COL4A5: variants seen among roughly 807,000 people sequenced by gnomAD.
The protein encoded by COL4A5 is collagen type IV alpha 5 chain.
COL4A5 carries 26 observed loss-of-function variants against 130.2 expected under a neutral mutation model. The ratio of observed to expected loss-of-function variants is 0.20; its 90% CI spans 0.15 to 0.28. The LOEUF is 0.28. Among genes scored for constraint, COL4A5 ranks in the 10% least tolerant of loss-of-function variants. The pLI is 1.00. For missense variants in COL4A5, 1,131 were observed against 1,344.3 expected (o/e 0.84, Z 2.48); for synonymous variants, 496 against 439.6 (o/e 1.13, Z -1.60).
At chrX:108,548,477 G>T (rs750420808) in intron 2 of COL4A5, among the ~76,000 whole-genome samples, 9 of 111,092 alleles carry the variant, frequency 8.1e-5, no homozygotes, top group African/African-American at 2.9e-4. Flanking sequence ...CTGTGACAGT[G>T]TCAAATGGTC....
At chrX:108,473,605 ATATATATG>A (rs1480309978) in intron 1 of COL4A5, among the ~76,000 whole-genome samples, 2 of 46,337 alleles carry the variant, frequency 4.3e-5, no homozygotes, top group African/African-American at 1.5e-4. Flanking sequence ...TTATATATAT[ATATATATG>A]TATATATATA....
intron 1 of COL4A5, among the ~76,000 whole-genome samples, chrX:108,510,829 TTTTG>T (rs917641130): frequency 6.4e-5 from 7 of 109,417 alleles, no homozygotes; most frequent in South Asian, 7.5e-4. Context: ...TCATACAACT[TTTTG>T]TTTATTTTTT....
chrX:108,656,332 A>G, intron 37 of COL4A5, among the ~76,000 whole-genome samples: 1 of 112,059 alleles, frequency 8.9e-6, no homozygotes, highest in Non-Finnish European at 1.9e-5. Flanking sequence ...TACACGTGTC[A>G]GTAGTTTGTT....
At chrX:108,489,434 T>C (rs992019414) in intron 1 of COL4A5, among the ~76,000 whole-genome samples, 1 of 111,910 alleles carries the variant, frequency 8.9e-6, no homozygotes, top group Non-Finnish European at 1.9e-5. Flanking sequence ...CTAGCACTGG[T>C]CTGGAGCTTT....
intron 2 of COL4A5, among the ~76,000 whole-genome samples, chrX:108,551,918 C>T (rs1245270373): frequency 1.8e-5 from 2 of 112,021 alleles, no homozygotes; most frequent in Non-Finnish European, 3.8e-5. Flanking sequence ...AGCATGGATG[C>T]AACTGGAAGC....
intron 37 of COL4A5, among the ~76,000 whole-genome samples, chrX:108,658,385 G>GA (rs1239474146): frequency 9.0e-6 from 1 of 110,764 alleles, no homozygotes; most frequent in African/African-American, 3.3e-5. Flanking sequence ...ATGGCCATGA[G>GA]AGAGATTGGC....
intron 51 of COL4A5, 138 bp from the exon 52 acceptor site, chrX:108,695,129 G>A: frequency 1.2e-6 from 1 of 819,537 alleles, no homozygotes. Flanking sequence ...TACCCTTGGT[G>A]TGGATACTAT....
intron 42 of COL4A5, chrX:108,674,430 A>G (rs1366777475): frequency 2.9e-5 from 6 of 205,649 alleles, no homozygotes; most frequent in Non-Finnish European, 3.5e-5. Context: ...TGAGAAGCTA[A>G]TTTTTGGAAA....
rs2065715683 is a variant in COL4A5, at chrX:108,549,392, A to G, written c.141+9587A>G. On this transcript the variant is annotated intron_variant, in intron 2 of 52. Coordinates refer to ENST00000328300, the MANE Select transcript of COL4A5 (RefSeq NM_033380.3). ...CCCTCTAAATACCAAAAGATTAAAA[A>G]TATCAGTATATTCTCTTATTACAAT... Among the ~76,000 whole-genome samples the G allele has an allele frequency of 2.7e-5, 3 of 112,285 alleles. No homozygotes were observed. In the Admixed American group the frequency reaches 2.8e-4, roughly 11 times the overall value.
At chrX:108,461,341 A>G (rs1208156239) in intron 1 of COL4A5, among the ~76,000 whole-genome samples, 1 of 111,442 alleles carries the variant, frequency 9.0e-6, no homozygotes, top group Non-Finnish European at 1.9e-5. Flanking sequence ...GGTTAATGTT[A>G]TAATTTGAAA....
intron 1 of COL4A5, among the ~76,000 whole-genome samples, chrX:108,537,238 G>A (rs769543609): frequency 1.8e-5 from 2 of 111,055 alleles, no homozygotes; most frequent in Non-Finnish European, 3.8e-5. Flanking sequence ...GTTGGTGTGC[G>A]TATTACAATT....
intron 29 of COL4A5, among the ~76,000 whole-genome samples, chrX:108,610,730 G>A (rs2066818833): frequency 9.0e-6 from 1 of 111,571 alleles, no homozygotes; most frequent in African/African-American, 3.2e-5. Context: ...TTAGGATATG[G>A]CATTCCCATA....
intron 1 of COL4A5, among the ~76,000 whole-genome samples, chrX:108,490,701 G>T (rs183953470): frequency 3.6e-5 from 4 of 110,880 alleles, no homozygotes; most frequent in African/African-American, 1.3e-4. Context: ...TGTTACACAG[G>T]TAAACACGTG....
intron 1 of COL4A5, among the ~76,000 whole-genome samples, chrX:108,477,549 C>T (rs955056817): frequency 9.0e-6 from 1 of 111,267 alleles, no homozygotes; most frequent in Non-Finnish European, 1.9e-5. Flanking sequence ...CGCGGTGGCT[C>T]ATGCCTGTAA....
intron 1 of COL4A5, among the ~76,000 whole-genome samples, chrX:108,465,546 C>G (rs763147012): frequency 9.0e-6 from 1 of 111,554 alleles, no homozygotes; most frequent in Non-Finnish European, 1.9e-5. Context: ...TTCTGTGGGT[C>G]GTATTTTCTT....
intron 51 of COL4A5, 84 bp downstream of exon 51, chrX:108,695,005 T>G (rs753436772): frequency 1.7e-5 from 13 of 782,589 alleles, no homozygotes; most frequent in Non-Finnish European, 2.2e-5. Flanking sequence ...GGAATCCCTG[T>G]CATTTGCATA....
intron 1 of COL4A5, among the ~76,000 whole-genome samples, chrX:108,454,593 C>T (rs1420551888): frequency 1.8e-5 from 2 of 108,969 alleles, no homozygotes; most frequent in Non-Finnish European, 3.8e-5. Flanking sequence ...AATTTTCTAA[C>T]AGTTAATTAT....
At chrX:108,447,403 C>T (rs187357767) in intron 1 of COL4A5, among the ~76,000 whole-genome samples, 1 of 112,009 alleles carries the variant, frequency 8.9e-6, no homozygotes, top group East Asian at 2.8e-4. Context: ...ACTCACTTTA[C>T]CTTCTCCTCA....
intron 1 of COL4A5, among the ~76,000 whole-genome samples, chrX:108,498,475 T>C (rs1415299415): frequency 9.0e-6 from 1 of 111,547 alleles, no homozygotes; most frequent in East Asian, 2.8e-4. Flanking sequence ...GGATAGTTTA[T>C]GTTCTTTCCA....
Sources: gnomAD v4.1 joint callset for allele counts (sites outside exome capture counted in the v4.1 genomes callset) on GRCh38, gnomAD v4.1.1 for gene constraint, MANE v1.5 for transcripts, NCBI Gene and HGNC (gene_info 2026-07-23, HGNC 2026-07-21) for gene names.